The following DNAH7 variants were observed in gnomAD, a reference collection of about 807,000 sequenced individuals.
The protein encoded by DNAH7 is dynein axonemal heavy chain 7.
A neutral mutation model predicts 444.6 loss-of-function variants in DNAH7; 397 were observed. That is an observed-to-expected ratio of 0.89 (90% CI 0.82 to 0.97). DNAH7 has a LOEUF of 0.97. DNAH7 is among the 50% of genes least tolerant of loss of function. The pLI, the probability that DNAH7 is intolerant of heterozygous loss-of-function variation, is 0.00. For synonymous variants in DNAH7, 1,636 were observed against 1,624.4 expected (o/e 1.01, Z -0.17); for missense variants, 4,902 against 4,800.8 (o/e 1.02, Z -0.62).
chr2:195,855,472 T>A (rs1043632643), intron 45 of DNAH7, among the ~76,000 whole-genome samples: 1 of 152,096 alleles, frequency 6.6e-6, no homozygotes, highest in African/African-American at 2.4e-5. Flanking sequence ...TATTATATTC[T>A]AGTAATCTAA....
intron 2 of DNAH7, among the ~76,000 whole-genome samples, chr2:196,057,357 T>G (rs1291034980): frequency 6.6e-6 from 1 of 152,200 alleles, no homozygotes; most frequent in South Asian, 2.1e-4. Flanking sequence ...AATTTAAATT[T>G]AACACGCCAA....
intron 12 of DNAH7, among the ~76,000 whole-genome samples, chr2:195,996,594 T>A (rs889277669): frequency 1.3e-5 from 2 of 151,986 alleles, no homozygotes; most frequent in Non-Finnish European, 2.9e-5. Context: ...CCCGGCTGAT[T>A]TTTGTAGTTT....
intron 63 of DNAH7, among the ~76,000 whole-genome samples, chr2:195,750,313 A>G (rs1693720767): frequency 6.6e-6 from 1 of 152,226 alleles, no homozygotes; most frequent in Non-Finnish European, 1.5e-5. Flanking sequence ...CAATAGTTTG[A>G]TCTTGGGTAT....
At chr2:195,816,550 A>G in intron 51 of DNAH7, 78 bp downstream of exon 51, 1 of 1,083,016 alleles carries the variant, frequency 9.2e-7, no homozygotes, top group East Asian at 2.6e-5. Context: ...CCACTCTGAG[A>G]CAACAATAGA....
At chr2:195,946,500 T>G (rs1267088340) in intron 19 of DNAH7, among the ~76,000 whole-genome samples, 1 of 152,066 alleles carries the variant, frequency 6.6e-6, no homozygotes, top group East Asian at 1.9e-4. Flanking sequence ...CTGTGCTCAT[T>G]ACATACCCAC....
intron 8 of DNAH7, among the ~76,000 whole-genome samples, chr2:196,019,900 C>T (rs1695265490): frequency 6.6e-6 from 1 of 151,986 alleles, no homozygotes; most frequent in African/African-American, 2.4e-5. Flanking sequence ...TCCACTTCTA[C>T]CACCCACTCC....
chr2:195,782,845 G>A (rs1182775277), intron 58 of DNAH7, among the ~76,000 whole-genome samples: 1 of 151,950 alleles, frequency 6.6e-6, no homozygotes, highest in African/African-American at 2.4e-5. Flanking sequence ...ATTGTGTTTT[G>A]GTGCTCACCA....
intron 63 of DNAH7, among the ~76,000 whole-genome samples, chr2:195,741,371 G>T (rs932917742): frequency 1.3e-5 from 2 of 152,180 alleles, no homozygotes; most frequent in Admixed American, 6.5e-5. Context: ...GCTCTCCTTA[G>T]TCTGTTGATG....
chr2:195,797,377 G>A (rs1294446241), intron 55 of DNAH7, among the ~76,000 whole-genome samples: 1 of 152,266 alleles, frequency 6.6e-6, no homozygotes, highest in East Asian at 1.9e-4. Context: ...CCTCCCGAAT[G>A]CCCATGGCTT....
chr2:195,747,378 G>A lies in DNAH7; in HGVS notation c.11765-6509C>T, dbSNP rs113188092. The stretch of plus-strand genomic sequence containing the variant: ...ACCAACCAAAAAGAGTCCAGGACCA[G>A]ACGGATTCACAGCCTAATTCTACCA... On this transcript the variant is annotated intron_variant, in intron 63 of 64. Coordinates refer to ENST00000312428, the MANE Select transcript of DNAH7 (RefSeq NM_018897.3). Among the ~76,000 whole-genome samples, 350 of 152,320 alleles carry A rather than the reference G, an allele frequency of 2.3e-3. 1 individual carries two copies. Among genetic ancestry groups the A allele is most frequent in the African/African-American group, 7.8e-3 (326 of 41,548 alleles).
In DNAH7 at chr2:195,794,515, ATG is replaced by A; in HGVS notation, c.10537_10538del (p.His3513SerfsTer29). The A allele has an allele frequency of 6.2e-7, 1 of 1,614,184 alleles. No individual in the cohort carries two copies. ...VCEELSPEST[H>X]PDFRMWLTSY... is the part of the protein sequence containing the mutation. Reference sequence around the variant, plus strand: ...TCGTTAGCCACATTCGGAAATCTGGATGTGTTGACTCTGGGCTTAACTCCTGT... The same window carrying A: ...TCGTTAGCCACATTCGGAAATCTGGATGTTGACTCTGGGCTTAACTCCTGT... On this transcript the variant is annotated frameshift_variant, in exon 57 of 65. Transcript: ENST00000312428. LOFTEE classifies it high-confidence loss of function.
chr2:195,864,814 T>G lies in DNAH7; in HGVS notation c.6841A>C (p.Thr2281Pro). 6.2e-7 allele frequency: 1 copy of G among 1,614,220 alleles called. No homozygotes were observed. The highest frequency in any genetic ancestry group is 8.5e-7 in the Non-Finnish European group (1 of 1,180,024). Residue 2281 changes from threonine (T) to proline (P), a missense_variant, in exon 41 of 65, where the codon ACC becomes CCC. Thr to Pro is a conservative substitution (Grantham distance 38). Transcript: ENST00000312428. Reference protein sequence around the residue: ...CDFHDPKREDTNYREIADVDN... With the variant: ...CDFHDPKREDPNYREIADVDN... ...ACATCTGCGATTTCTCTGTAGTTGGTATCCTCCCTCTTGGGATCATGGAAA... is the reference window on the plus strand; with the variant it reads ...ACATCTGCGATTTCTCTGTAGTTGGGATCCTCCCTCTTGGGATCATGGAAA...
intron 24 of DNAH7, among the ~76,000 whole-genome samples, chr2:195,912,367 G>A (rs1648935070): frequency 6.6e-6 from 1 of 152,322 alleles, no homozygotes; most frequent in Middle Eastern, 3.4e-3. Context: ...TTCTCCTGAT[G>A]GCAGAATGGG....
At position 195,936,614 on chromosome 2, in the gene DNAH7, G is replaced by T. The variant is rs752033708; in HGVS notation, c.3257C>A (p.Thr1086Asn). 4 of 1,592,812 alleles carry T rather than the reference G, an allele frequency of 2.5e-6. No homozygotes were observed. Among genetic ancestry groups the T allele is most frequent in the African/African-American group, 2.7e-5 (2 of 73,650 alleles). ...AATTACTTACCTAGTGGGATCTTTA[G>T]TCTCAGATAGTATCTCAAGAAGTTC... Reference protein sequence around the residue: ...NDELLEILSETKDPTRVQPHL... With the variant: ...NDELLEILSENKDPTRVQPHL... Residue 1086 changes from threonine to asparagine, a missense_variant, in exon 20 of 65, where the codon ACT (threonine) becomes AAT (asparagine). Physicochemically the swap from Thr to Asn is moderately conservative, Grantham distance 65. Transcript: ENST00000312428.
At position 195,857,658 on chromosome 2, in the gene DNAH7, T is replaced by C. The variant is rs368678273; in HGVS notation, c.8133A>G (p.Ile2711Met). The C allele has an allele frequency of 6.2e-7, 1 of 1,613,710 alleles. No individual in the cohort carries two copies. The highest frequency in any genetic ancestry group is 8.5e-7 in the Non-Finnish European group (1 of 1,179,844). ...PAGVKLVMEA[I>M]CILKGIKADK... ...CAGCTTTGATTCCTTTCAAGATGCA[T>C]ATAGCTTCCATAACAAGCTTGACAC... The change falls in exon 44 of 65, where the codon ATA becomes ATG. Residue 2711 changes from isoleucine to methionine, a missense_variant. Physicochemically the swap from Ile to Met is conservative, Grantham distance 10. Transcript: ENST00000312428.
At chr2:195,807,167 CTTTTT>C (rs923772054) in intron 53 of DNAH7, among the ~76,000 whole-genome samples, 4 of 143,266 alleles carry the variant, frequency 2.8e-5, no homozygotes, top group African/African-American at 7.8e-5. Context: ...TTTTTTTTTT[CTTTTT>C]TTAAGATGGA....
intron 12 of DNAH7, among the ~76,000 whole-genome samples, chr2:195,989,334 A>C (rs760335320): frequency 6.6e-6 from 1 of 152,112 alleles, no homozygotes; most frequent in African/African-American, 2.4e-5. Flanking sequence ...TTTTCTCTAC[A>C]TCCTTGTCAA....
At chr2:196,003,549 T>C (rs1407840865) in intron 10 of DNAH7, among the ~76,000 whole-genome samples, 2 of 152,188 alleles carry the variant, frequency 1.3e-5, no homozygotes, top group African/African-American at 4.8e-5. Flanking sequence ...AAATAAATAT[T>C]GTTTTTAAAA....
chr2:195,925,309 G>A (rs988331726), intron 22 of DNAH7, among the ~76,000 whole-genome samples: 5 of 152,140 alleles, frequency 3.3e-5, no homozygotes, highest in African/African-American at 7.2e-5. Flanking sequence ...GAGGCTGCAC[G>A]TCCCCTGGCG....
Sources: allele counts gnomAD v4.1 joint callset (sites outside exome capture counted in the v4.1 genomes callset), GRCh38; gene constraint gnomAD v4.1.1; transcripts MANE v1.5; gene names NCBI Gene and HGNC (gene_info 2026-07-23, HGNC 2026-07-21).